The following SDK1 variants were observed in gnomAD, a reference collection of about 807,000 sequenced individuals.
SDK1 encodes protein sidekick-1.
SDK1 carries 157 observed loss-of-function variants against 245.5 expected under a neutral mutation model. That is an observed-to-expected ratio of 0.64 (90% CI 0.56 to 0.73). SDK1 has a LOEUF of 0.73. Ranked by LOEUF, SDK1 falls within the 30% of genes least tolerant of loss-of-function variation. The probability of loss-of-function intolerance (pLI) is 0.00; values close to 1 mark genes in which losing one functional copy is unlikely to be tolerated. For synonymous variants in SDK1, 1,647 were observed against 1,278.5 expected, an observed-to-expected ratio of 1.29 and a Z score of -6.15; for missense variants, 3,583 against 3,002.3, an observed-to-expected ratio of 1.19 and a Z score of -4.52.
At chr7:3,941,563 T>C (rs75220766) in intron 5 of SDK1, among the ~76,000 whole-genome samples, 5,336 of 152,176 alleles carry the variant, frequency 0.035, 315 homozygotes, top group African/African-American at 0.12. Flanking sequence ...CCTTCCATTG[T>C]CTGACTGGGG....
intron 35 of SDK1, among the ~76,000 whole-genome samples, chr7:4,180,871 C>T (rs956264496): frequency 6.6e-6 from 1 of 152,200 alleles, no homozygotes; most frequent in Non-Finnish European, 1.5e-5. Context: ...CCATCCCCTC[C>T]CGCCAGGCCC....
intron 1 of SDK1, among the ~76,000 whole-genome samples, chr7:3,492,506 A>C (rs1295609296): frequency 6.6e-6 from 1 of 152,260 alleles, no homozygotes; most frequent in African/African-American, 2.4e-5. Flanking sequence ...AAAAATACAA[A>C]AACAAAAACA....
At chr7:3,969,149 TG>T in intron 10 of SDK1, 107 bp from the exon 11 acceptor site, 1 of 994,686 alleles carries the variant, frequency 1.0e-6, no homozygotes, top group Non-Finnish European at 1.4e-6. Context: ...GAGACTTGGG[TG>T]GGGACACGGA....
intron 4 of SDK1, among the ~76,000 whole-genome samples, chr7:3,781,400 C>G (rs374790984): frequency 6.6e-6 from 1 of 152,096 alleles, no homozygotes; most frequent in Non-Finnish European, 1.5e-5. Flanking sequence ...GATGGCCCTT[C>G]CAGAATCACA....
chr7:4,169,873 G>A (rs1039228944), intron 32 of SDK1, among the ~76,000 whole-genome samples: 3 of 152,096 alleles, frequency 2.0e-5, no homozygotes, highest in East Asian at 1.9e-4. Context: ...GCAGTGGCCC[G>A]AGTCACACAG....
intron 32 of SDK1, among the ~76,000 whole-genome samples, chr7:4,165,914 G>A (rs1334088876): frequency 6.6e-6 from 1 of 152,072 alleles, no homozygotes; most frequent in Non-Finnish European, 1.5e-5. Flanking sequence ...AGCCTCCCCA[G>A]TGTCTAGGAC....
chr7:3,653,084 G>C (rs555100145), intron 4 of SDK1, among the ~76,000 whole-genome samples: 1 of 152,224 alleles, frequency 6.6e-6, no homozygotes, highest in African/African-American at 2.4e-5. Flanking sequence ...TGACGCAGAT[G>C]AGAAAAGTCG....
At chr7:3,724,733 C>G (rs148035836) in intron 4 of SDK1, among the ~76,000 whole-genome samples, 30 of 152,260 alleles carry the variant, frequency 2.0e-4, no homozygotes, top group Non-Finnish European at 4.0e-4. Flanking sequence ...GTTGTACTGT[C>G]TACCAGCTCG....
intron 4 of SDK1, among the ~76,000 whole-genome samples, chr7:3,809,875 A>G (rs1010287440): frequency 6.6e-6 from 1 of 152,152 alleles, no homozygotes; most frequent in East Asian, 1.9e-4. Context: ...CTTGTCAGGA[A>G]TCGAGAATTA....
intron 14 of SDK1, among the ~76,000 whole-genome samples, chr7:4,003,713 A>C (rs1405274435): frequency 6.6e-6 from 1 of 152,196 alleles, no homozygotes. Context: ...CGGGGAATTT[A>C]ACCTGATCTG....
intron 1 of SDK1, among the ~76,000 whole-genome samples, 185 bp from the exon 2 acceptor site, chr7:3,618,895 A>G (rs1028812521): frequency 1.3e-5 from 2 of 152,164 alleles, no homozygotes; most frequent in African/African-American, 4.8e-5. Flanking sequence ...GCTTTTTGAA[A>G]TATTATCTGG....
intron 1 of SDK1, among the ~76,000 whole-genome samples, chr7:3,396,479 T>G (rs1781899110): frequency 6.6e-6 from 1 of 151,886 alleles, no homozygotes; most frequent in South Asian, 2.1e-4. Context: ...TATTGAAAAT[T>G]GAAATGTTCA....
At chr7:3,762,008 A>C (rs532224331) in intron 4 of SDK1, among the ~76,000 whole-genome samples, 1 of 152,346 alleles carries the variant, frequency 6.6e-6, no homozygotes, top group Non-Finnish European at 1.5e-5. Context: ...TGTAGGCACA[A>C]ACTATCAGCA....
At chr7:3,806,612 A>G (rs1407073925) in intron 4 of SDK1, among the ~76,000 whole-genome samples, 4 of 152,238 alleles carry the variant, frequency 2.6e-5, no homozygotes, top group Non-Finnish European at 4.4e-5. Flanking sequence ...CACCAGTTAC[A>G]TACTGCTTGT....
At chr7:3,960,316 A>T (rs1168056465) in intron 8 of SDK1, among the ~76,000 whole-genome samples, 1 of 152,224 alleles carries the variant, frequency 6.6e-6, no homozygotes, top group African/African-American at 2.4e-5. Flanking sequence ...CTAGGTCCAC[A>T]TGGTAATGGA....
chr7:4,035,794 C>T (rs1583897942), intron 17 of SDK1, among the ~76,000 whole-genome samples: 1 of 152,082 alleles, frequency 6.6e-6, no homozygotes, highest in Non-Finnish European at 1.5e-5. Context: ...TTCCAAGAAG[C>T]AAAGACGGTA....
rs183744992 is a variant in SDK1 at position 3,571,477 on chromosome 7, A to T, written c.299-47603A>T. 6.3e-3 allele frequency among the ~76,000 whole-genome samples: 952 copies of T among 151,748 alleles called. 12 individuals carry two copies. Among genetic ancestry groups the T allele is most frequent in the African/African-American group, 0.013 (548 of 41,422 alleles). On this transcript the variant is annotated intron_variant, in intron 1 of 44. Coordinates refer to ENST00000404826, the MANE Select transcript of SDK1 (RefSeq NM_152744.4). ...ACCACCATGCCCAGCTAATTTAAAA[A>T]TTTTTTTTGTACAGACAGGGTCTTG...
At chr7:3,804,625 C>A (rs529111463) in intron 4 of SDK1, among the ~76,000 whole-genome samples, 1 of 152,186 alleles carries the variant, frequency 6.6e-6, no homozygotes, top group African/African-American at 2.4e-5. Context: ...GAAGGAATCA[C>A]ATTAAACACG....
In SDK1 at chr7:3,691,281, T is replaced by A. The variant is rs183159659; in HGVS notation, c.713+49176T>A. 2.6e-3 allele frequency among the ~76,000 whole-genome samples: 396 copies of A among 152,294 alleles called. 4 individuals are homozygous for A. The highest frequency in any genetic ancestry group is 9.3e-3 in the African/African-American group (385 of 41,556). On this transcript the variant is annotated intron_variant, in intron 4 of 44. Coordinates refer to ENST00000404826, the MANE Select transcript of SDK1 (RefSeq NM_152744.4). The stretch of plus-strand genomic sequence containing the variant: ...GATTACCACAGAGTAAAAAATGCCA[T>A]AGAATGAAAATGTCTTATGTTGATA...
Sources: allele counts gnomAD v4.1 joint callset (sites outside exome capture counted in the v4.1 genomes callset), GRCh38; gene constraint gnomAD v4.1.1; transcripts MANE v1.5; gene names NCBI Gene and HGNC (gene_info 2026-07-23, HGNC 2026-07-21).